The following BNC2 variants were observed in gnomAD, a reference collection of about 807,000 sequenced individuals.
The protein encoded by BNC2 is basonuclin zinc finger protein 2.
In BNC2, 20 loss-of-function variants were observed where a neutral mutation model predicts 76.3. The observed-to-expected ratio is 0.26, with a 90% CI of 0.18 to 0.38. The LOEUF (loss-of-function observed/expected upper bound fraction) is 0.38. Ranked by LOEUF, BNC2 falls within the 10% of genes least tolerant of loss-of-function variation. BNC2 has a pLI of 1.00. For missense variants in BNC2, 1,382 were observed against 1,399.8 expected (o/e 0.99, Z 0.20); for synonymous variants, 582 against 514.8 (o/e 1.13, Z -1.77).
intron 3 of BNC2, among the ~76,000 whole-genome samples, chr9:16,672,434 T>A (rs1228869189): frequency 6.6e-6 from 1 of 151,980 alleles, no homozygotes; most frequent in East Asian, 1.9e-4. Context: ...GAGGCAGAGT[T>A]TGCAGTGAGC....
At position 16,616,624 on chromosome 9, in the gene BNC2, G is replaced by C. The variant is rs148202404; in HGVS notation, c.331-33539C>G. Among the ~76,000 whole-genome samples the C allele has an allele frequency of 2.6e-5, 4 of 151,648 alleles. No homozygotes were observed. The East Asian group carries it at 5.8e-4, about 22-fold the overall frequency. On this transcript the variant is annotated intron_variant, in intron 3 of 6. Coordinates refer to ENST00000380672, the MANE Select transcript of BNC2 (RefSeq NM_017637.6). ...TCTCTACTTGAGCCCAGGAGATCAA[G>C]GCTACAGGGAGCTGAGATTGTGGCA...
rs542203121 is a variant in BNC2 at position 16,770,750 on chromosome 9, A to T, written c.4-32265T>A. The stretch of plus-strand genomic sequence containing the variant: ...CATGGTAGTGCACGCCTGTAGAGCC[A>T]GCTACTCAGGGGCTGAGGTGGGAGA... On this transcript the variant is annotated intron_variant, in intron 1 of 6. Coordinates refer to ENST00000380672, the MANE Select transcript of BNC2 (RefSeq NM_017637.6). 1.9e-4 allele frequency among the ~76,000 whole-genome samples: 29 copies of T among 152,236 alleles called. No homozygotes were observed. The South Asian group carries it at 5.6e-3, about 29-fold the overall frequency.
chr9:16,493,848 G>C (rs1026465087), intron 5 of BNC2, among the ~76,000 whole-genome samples: 1 of 152,172 alleles, frequency 6.6e-6, no homozygotes, highest in African/African-American at 2.4e-5. Context: ...TAAGTAGAAA[G>C]GCACAGAGAG....
chr9:16,763,284 T>C (rs112035843), intron 1 of BNC2, among the ~76,000 whole-genome samples: 165 of 152,248 alleles, frequency 1.1e-3, no homozygotes, highest in African/African-American at 3.8e-3. Context: ...AAAATCACCT[T>C]CAGGGTCAGG....
chr9:16,773,265 T>G (rs1345957357), intron 1 of BNC2, among the ~76,000 whole-genome samples: 1 of 152,198 alleles, frequency 6.6e-6, no homozygotes, highest in Non-Finnish European at 1.5e-5. Flanking sequence ...AATGTGGCAG[T>G]GTCATATGAA....
At chr9:16,758,714 A>C (rs1180240880) in intron 1 of BNC2, among the ~76,000 whole-genome samples, 1 of 152,224 alleles carries the variant, frequency 6.6e-6, no homozygotes, top group Non-Finnish European at 1.5e-5. Flanking sequence ...TATTGACCGC[A>C]CAAGACATAC....
rs1232720602 is a variant in BNC2 at position 16,413,200 on chromosome 9, T to C, written c.*5789A>G. On this transcript the variant is annotated 3_prime_UTR_variant, in exon 7 of 7. Transcript: ENST00000380672. The stretch of plus-strand genomic sequence containing the variant: ...CCTATATAAAAAAGATTTTTTTTTT[T>C]CCTGCAGTAAAGGTCAAATGAATTT... 3 of 149,600 alleles carry C rather than the reference T, an allele frequency of 2.0e-5. No individual in the cohort carries two copies. Among genetic ancestry groups the C allele is most frequent in the Non-Finnish European group, 4.4e-5 (3 of 67,434 alleles). 9.3% of individuals were successfully genotyped at this position (149,600 alleles called of 1,614,324 possible).
At position 16,567,221 on chromosome 9, in the gene BNC2, CCATAAGGA is replaced by C. The variant is rs538510762; in HGVS notation, c.434-14464_434-14457del. ...ACTCATTTATGTGGGAACAGAATTG[CCATAAGGA>C]CAACAGCTGAGATTTCTGTGCTTCA... On this transcript the variant is annotated intron_variant, in intron 4 of 6. Coordinates refer to ENST00000380672, the MANE Select transcript of BNC2 (RefSeq NM_017637.6). Among the ~76,000 whole-genome samples the C allele has an allele frequency of 5.0e-3, 766 of 152,194 alleles. 7 individuals carry two copies. The highest frequency in any genetic ancestry group is 0.018 in the African/African-American group (746 of 41,528).
At chr9:16,658,718 T>C (rs1426080520) in intron 3 of BNC2, among the ~76,000 whole-genome samples, 3 of 152,204 alleles carry the variant, frequency 2.0e-5, no homozygotes, top group Non-Finnish European at 4.4e-5. Flanking sequence ...GGAAAGACTG[T>C]ACTTTGCCTC....
chr9:16,746,425 C>T (rs1207635831), intron 1 of BNC2, among the ~76,000 whole-genome samples: 1 of 151,864 alleles, frequency 6.6e-6, no homozygotes, highest in African/African-American at 2.4e-5. Context: ...GTGCCATGGT[C>T]CAATCTCTGC....
At chr9:16,479,915 T>TA (rs1822010686) in intron 5 of BNC2, among the ~76,000 whole-genome samples, 4 of 152,344 alleles carry the variant, frequency 2.6e-5, no homozygotes, top group African/African-American at 9.6e-5. Context: ...CAAATGTTTC[T>TA]AAAATCTTTA....
At chr9:16,580,612 T>C (rs1307923125) in intron 4 of BNC2, among the ~76,000 whole-genome samples, 1 of 152,196 alleles carries the variant, frequency 6.6e-6, no homozygotes, top group Non-Finnish European at 1.5e-5. Context: ...ACATTACTAA[T>C]GTAATATGCA....
intron 3 of BNC2, among the ~76,000 whole-genome samples, chr9:16,694,299 G>C (rs543575340): frequency 3.3e-5 from 5 of 152,206 alleles, no homozygotes; most frequent in East Asian, 1.9e-4. Flanking sequence ...GCAAATATTA[G>C]TTCCCAAAAA....
chr9:16,587,529 A>G (rs926182249), intron 3 of BNC2, among the ~76,000 whole-genome samples: 2 of 151,942 alleles, frequency 1.3e-5, no homozygotes, highest in African/African-American at 2.4e-5. Flanking sequence ...TTTCTAGACT[A>G]TTTAAACTGT....
intron 3 of BNC2, 183 bp downstream of exon 3, chr9:16,727,614 G>A (rs1261662320): frequency 1.6e-6 from 1 of 612,720 alleles, no homozygotes; most frequent in Non-Finnish European, 2.8e-6. Context: ...ACGCCCTTAG[G>A]GAAACCATGA....
At chr9:16,596,867 G>A (rs1820101548) in intron 3 of BNC2, among the ~76,000 whole-genome samples, 1 of 152,028 alleles carries the variant, frequency 6.6e-6, no homozygotes, top group Non-Finnish European at 1.5e-5. Flanking sequence ...TATTTACTAA[G>A]TTCATGGCAA....
At chr9:16,600,099 A>C (rs974276662) in intron 3 of BNC2, among the ~76,000 whole-genome samples, 1 of 152,220 alleles carries the variant, frequency 6.6e-6, no homozygotes, top group South Asian at 2.1e-4. Flanking sequence ...GGGGCCCTAC[A>C]TTGATGACCA....
chr9:16,656,277 TA>T lies in BNC2; in HGVS notation c.330+71519del, dbSNP rs1821927152. On this transcript the variant is annotated intron_variant, in intron 3 of 6. Transcript: ENST00000380672. Reference sequence around the variant, plus strand: ...GGAAAGGGAGAACTCTACTCACCCGTAAAAGCAGGAGACAAGAAAAGTGGTT... The same window carrying T: ...GGAAAGGGAGAACTCTACTCACCCGTAAAGCAGGAGACAAGAAAAGTGGTT... Among the ~76,000 whole-genome samples the T allele has an allele frequency of 1.3e-5, 2 of 152,100 alleles. 1 individual carries two copies. Among genetic ancestry groups the T allele is most frequent in the East Asian group, 3.9e-4 (2 of 5,188 alleles).
chr9:16,770,647 C>A (rs574875879), intron 1 of BNC2, among the ~76,000 whole-genome samples: 2 of 62,592 alleles, frequency 3.2e-5, no homozygotes, highest in East Asian at 7.8e-4. Flanking sequence ...TCAAGTCATT[C>A]AAGAATTTTT....
Sources: gnomAD v4.1 joint callset for allele counts (sites outside exome capture counted in the v4.1 genomes callset) on GRCh38, gnomAD v4.1.1 for gene constraint, MANE v1.5 for transcripts, NCBI Gene and HGNC (gene_info 2026-07-23, HGNC 2026-07-21) for gene names.